The following VWF variants were observed in gnomAD, a reference collection of about 807,000 sequenced individuals.
VWF encodes von Willebrand factor.
Under a neutral mutation model 308.6 loss-of-function variants are expected in VWF, and 176 were observed. That is an observed-to-expected ratio of 0.57 (90% CI 0.50 to 0.65). The LOEUF is 0.65. VWF is among the 30% of genes least tolerant of loss of function. The probability of loss-of-function intolerance (pLI) is 0.00; values close to 1 mark genes in which losing one functional copy is unlikely to be tolerated. For synonymous variants in VWF, 1,385 were observed against 1,443.4 expected (o/e 0.96, Z 0.92); for missense variants, 3,146 against 3,648.2 (o/e 0.86, Z 3.55).
At chr12:6,090,613 TCC>T (rs1945022833) in intron 6 of VWF, among the ~76,000 whole-genome samples, 4 of 98,066 alleles carry the variant, frequency 4.1e-5, no homozygotes, top group East Asian at 3.3e-4. Context: ...CTCCTCCTCC[TCC>T]TCCTCCTCCT....
rs201895432 is a variant in VWF, at chr12:6,019,251, C to G, written c.4167G>C (p.Glu1389Asp). ...CAAAGTTCCGGGACATCCGTTGGGG[C>G]TCCTGGCTGGCCATCAGGAGCAGGG... Reference protein sequence around the residue: ...RITLLLMASQEPQRMSRNFVR... With the variant: ...RITLLLMASQDPQRMSRNFVR... The change falls in exon 28 of 52, where the codon GAG becomes GAC. Residue 1389 changes from glutamate (E) to aspartate (D), a missense_variant. By Grantham distance (45) the Glu-to-Asp change is conservative (BLOSUM62 2). This residue lies in a region of VWF where 853 missense variants were observed against 1,177.8 expected (regional missense o/e 0.72). Coordinates refer to ENST00000261405, the MANE Select transcript of VWF (RefSeq NM_000552.5). This position sits in a 1 kb window ranked among gnomAD's most constrained non-coding sequence, Gnocchi z 5.8. 4.3e-6 allele frequency: 7 copies of G among 1,613,910 alleles called. No individual in the cohort carries two copies. The South Asian group carries it at 6.6e-5, about 15-fold the overall frequency.
At chr12:6,037,673 G>A (rs1944352820) in intron 18 of VWF, among the ~76,000 whole-genome samples, 1 of 152,146 alleles carries the variant, frequency 6.6e-6, no homozygotes, top group Non-Finnish European at 1.5e-5. Context: ...TTCTCAAAGA[G>A]GCCTGGGTCA....
intron 5 of VWF, among the ~76,000 whole-genome samples, chr12:6,108,334 T>TATATATACGC (rs374693235): frequency 2.4e-5 from 3 of 124,158 alleles, no homozygotes; most frequent in African/African-American, 8.6e-5. Context: ...AAGAAATATA[T>TATATATACGC]ACACACACAC....
At position 6,020,559 on chromosome 12, in the gene VWF, C is replaced by T. The variant is rs1944118418; in HGVS notation, c.3675-816G>A. 6.6e-6 allele frequency among the ~76,000 whole-genome samples: 1 copy of T among 152,266 alleles called. No homozygotes were observed. Among genetic ancestry groups the T allele is most frequent in the Admixed American group, 6.5e-5 (1 of 15,294 alleles). ...TACACTACCATGCCAAATTTCCAGG[C>T]TCTGCTGGTAACATCACCTTTTTGC... On this transcript the variant is annotated intron_variant, in intron 27 of 51. Coordinates refer to ENST00000261405, the MANE Select transcript of VWF (RefSeq NM_000552.5). This position sits in a 1 kb window ranked among gnomAD's most constrained non-coding sequence, Gnocchi z 4.3.
intron 31 of VWF, 146 bp downstream of exon 31, chr12:6,015,943 T>C (rs1944051833): frequency 3.6e-5 from 37 of 1,025,266 alleles, no homozygotes; most frequent in Non-Finnish European, 5.0e-5. Context: ...GATAATTTCC[T>C]GCTGTTTGAA....
chr12:5,996,543 C>T (rs1362198396), intron 34 of VWF, among the ~76,000 whole-genome samples: 3 of 151,914 alleles, frequency 2.0e-5, no homozygotes, highest in African/African-American at 7.3e-5. Flanking sequence ...GATGCCTTGG[C>T]CCAGAAAACA....
intron 22 of VWF, 86 bp downstream of exon 22, chr12:6,029,256 G>A (rs943820595): frequency 1.8e-5 from 29 of 1,578,706 alleles, no homozygotes; most frequent in Non-Finnish European, 2.4e-5. Context: ...GATTCATAAA[G>A]CAAGTCCTTA....
chr12:6,048,967 A>C (rs570444544), intron 16 of VWF, among the ~76,000 whole-genome samples: 1 of 152,304 alleles, frequency 6.6e-6, no homozygotes, highest in East Asian at 1.9e-4. Context: ...ACATGACCCA[A>C]AAGCTTAATT....
chr12:6,087,975 T>C (rs1002475791), intron 6 of VWF, among the ~76,000 whole-genome samples: 1 of 152,094 alleles, frequency 6.6e-6, no homozygotes, highest in African/African-American at 2.4e-5. Context: ...GAGGAGATGA[T>C]GGTCACAGAG....
chr12:6,077,376 C>A (rs1944856171), intron 6 of VWF, among the ~76,000 whole-genome samples: 1 of 152,218 alleles, frequency 6.6e-6, no homozygotes, highest in African/African-American at 2.4e-5. Context: ...GGCTGCTCAA[C>A]TGCAGAAGTG....
intron 18 of VWF, among the ~76,000 whole-genome samples, chr12:6,036,946 A>C (rs1247354396): frequency 6.6e-6 from 1 of 152,262 alleles, no homozygotes; most frequent in Non-Finnish European, 1.5e-5. Flanking sequence ...TTGCAAAAAA[A>C]AATTGGAAAC....
chr12:6,087,106 G>A (rs1944981343), intron 6 of VWF, among the ~76,000 whole-genome samples: 1 of 152,130 alleles, frequency 6.6e-6, no homozygotes, highest in Admixed American at 6.5e-5. Flanking sequence ...GTGGAAAACA[G>A]GAAATCTGAG....
intron 16 of VWF, among the ~76,000 whole-genome samples, chr12:6,049,235 C>A (rs575426138): frequency 6.6e-6 from 1 of 152,326 alleles, no homozygotes; most frequent in African/African-American, 2.4e-5. Context: ...GTCCTTCCAA[C>A]ACACCTTCTC....
rs1389763159 is a variant in VWF, at chr12:6,020,572, A to G, written c.3675-829T>C. On this transcript the variant is annotated intron_variant, in intron 27 of 51. Transcript: ENST00000261405. This position sits in a 1 kb window ranked among gnomAD's most constrained non-coding sequence, Gnocchi z 4.3. ...CAAATTTCCAGGCTCTGCTGGTAAC[A>G]TCACCTTTTTGCCAGTGTCCCGGAA... Among the ~76,000 whole-genome samples the G allele has an allele frequency of 6.6e-6, 1 of 152,242 alleles. No homozygotes were observed. The highest frequency in any genetic ancestry group is 2.4e-5 in the African/African-American group (1 of 41,472).
intron 47 of VWF, chr12:5,954,009 G>A (rs1348420220): frequency 4.6e-6 from 1 of 218,056 alleles, no homozygotes; most frequent in Non-Finnish European, 9.2e-6. Flanking sequence ...CAAGAAATCT[G>A]AGAGTTATCC....
At chr12:6,103,387 TGTGTGTATACACGTGTGTGTATACACAC>T (rs1371892895) in intron 5 of VWF, among the ~76,000 whole-genome samples, 1 of 138,826 alleles carries the variant, frequency 7.2e-6, no homozygotes, top group Non-Finnish European at 1.5e-5. Context: ...TGTATACACG[TGTGTGTATACACGTGTGTGTATACACAC>T]GTGTGTGTAT....
rs934871754 is a variant in VWF at position 6,123,006 on chromosome 12, C to A, written c.55+136G>T. ...AAGGGTGGGAACTCCGCAGAACCTT[C>A]ACAGGAGGCAACCAACAGCCTAAGT... On this transcript the variant is annotated intron_variant, in intron 2 of 51. Coordinates refer to ENST00000261405, the MANE Select transcript of VWF (RefSeq NM_000552.5). The A allele has an allele frequency of 4.4e-6, 5 of 1,128,574 alleles. No individual in the cohort carries two copies. In the East Asian group the frequency reaches 1.2e-4, roughly 26 times the overall value. The allele number at this position is 1,128,574 out of a possible 1,614,324, so 69.9% of individuals were successfully genotyped here. A position where few individuals can be genotyped will look rare whatever the true frequency, so the allele number is the denominator to read the frequency against.
At chr12:5,972,609 G>C (rs1943489423) in intron 43 of VWF, among the ~76,000 whole-genome samples, 2 of 152,112 alleles carry the variant, frequency 1.3e-5, no homozygotes, top group African/African-American at 4.8e-5. Flanking sequence ...CCTCTCTCTG[G>C]ACGGTCTCAA....
intron 28 of VWF, among the ~76,000 whole-genome samples, chr12:6,017,623 T>G (rs1944077761): frequency 6.6e-6 from 1 of 152,184 alleles, no homozygotes. Flanking sequence ...AGCAAGCATT[T>G]TTTTTTGAGC....
Sources: gnomAD v4.1 joint callset for allele counts (sites outside exome capture counted in the v4.1 genomes callset) on GRCh38, gnomAD v4.1.1 for gene constraint, gnomAD v4.1.1 regional missense constraint, Gnocchi (gnomAD v3.1) non-coding constraint, MANE v1.5 for transcripts, NCBI Gene and HGNC (gene_info 2026-07-23, HGNC 2026-07-21) for gene names.